The following RBM6 variants were observed in gnomAD, a reference collection of about 807,000 sequenced individuals.
The protein encoded by RBM6 is RNA-binding protein 6.
A neutral mutation model predicts 140.4 loss-of-function variants in RBM6; 23 were observed. That is an observed-to-expected ratio of 0.16 (90% CI 0.12 to 0.23). The LOEUF (loss-of-function observed/expected upper bound fraction) is 0.23. Ranked by LOEUF, RBM6 falls within the 10% of genes least tolerant of loss-of-function variation. RBM6 has a pLI of 1.00. For missense variants in RBM6, 1,139 were observed against 1,386.7 expected, an observed-to-expected ratio of 0.82 and a Z score of 2.84; for synonymous variants, 439 against 475.6, an observed-to-expected ratio of 0.92 and a Z score of 1.00.
intron 5 of RBM6, chr3:49,981,580 T>C (rs1327737732): frequency 6.6e-6 from 1 of 152,262 alleles, no homozygotes; most frequent in Non-Finnish European, 1.5e-5. Context: ...GCTTATGTGC[T>C]TTAGGAGCCA....
At chr3:50,039,849 C>T (rs1190956541) in intron 6 of RBM6, among the ~76,000 whole-genome samples, 1 of 152,142 alleles carries the variant, frequency 6.6e-6, no homozygotes, top group Non-Finnish European at 1.5e-5. Context: ...ATTTGAGGCT[C>T]TTTTGATTAC....
chr3:49,966,158 G>A (rs1005635699), intron 2 of RBM6, among the ~76,000 whole-genome samples: 1 of 152,156 alleles, frequency 6.6e-6, no homozygotes, highest in African/African-American at 2.4e-5. Context: ...AAAAGGTTTG[G>A]CATTGCAACT....
At position 50,004,188 on chromosome 3, in the gene RBM6, G is replaced by A. The variant is rs138171352; in HGVS notation, c.1557+4675G>A. The stretch of plus-strand genomic sequence containing the variant: ...TTATTTGGCCAAATTAGTCACTAAA[G>A]TGCCCTTATAGAAGATAACTCTGGG... On this transcript the variant is annotated intron_variant, in intron 6 of 20. Coordinates refer to ENST00000266022, the MANE Select transcript of RBM6 (RefSeq NM_005777.3). Among the ~76,000 whole-genome samples, 16 of 152,238 alleles carry A rather than the reference G, an allele frequency of 1.1e-4. No homozygotes were observed. The East Asian group carries it at 2.1e-3, about 20-fold the overall frequency.
intron 6 of RBM6, among the ~76,000 whole-genome samples, chr3:50,014,816 A>G (rs1030155406): frequency 2.6e-5 from 4 of 152,176 alleles, no homozygotes; most frequent in Non-Finnish European, 5.9e-5. Context: ...TTGTTAACAC[A>G]GTTAAGTGCT....
At chr3:50,038,024 G>T (rs2088650206) in intron 6 of RBM6, among the ~76,000 whole-genome samples, 1 of 151,948 alleles carries the variant, frequency 6.6e-6, no homozygotes, top group South Asian at 2.1e-4. Flanking sequence ...ATTTCACCAT[G>T]TTGGCCAGGC....
chr3:50,039,488 C>G lies in RBM6; in HGVS notation c.1558-8757C>G, dbSNP rs947689744. ...TCCTGACCTCAGGTGATCCACCCCC[C>G]CCCCCCCCACCCTTGGTCTCCCAAA... On this transcript the variant is annotated intron_variant, in intron 6 of 20. Transcript: ENST00000266022. Among the ~76,000 whole-genome samples, 20 of 138,110 alleles carry G rather than the reference C, an allele frequency of 1.4e-4. 1 individual carries two copies. Among genetic ancestry groups the G allele is most frequent in the Admixed American group, 4.3e-4 (6 of 13,800 alleles). The allele number at this position is 138,110 out of a possible 152,430, so 90.6% of individuals were successfully genotyped here.
chr3:49,997,543 G>A (rs2086143266), intron 5 of RBM6, among the ~76,000 whole-genome samples: 1 of 152,126 alleles, frequency 6.6e-6, no homozygotes, highest in African/African-American at 2.4e-5. Flanking sequence ...TTTCATCCGG[G>A]CAGCTATGGA....
chr3:50,018,741 G>GCC, intron 6 of RBM6, among the ~76,000 whole-genome samples: 1 of 151,486 alleles, frequency 6.6e-6, no homozygotes, highest in South Asian at 2.1e-4. Flanking sequence ...ACAGGTGCAT[G>GCC]ACCATGCCCA....
intron 6 of RBM6, among the ~76,000 whole-genome samples, chr3:50,034,293 T>C (rs1415812101): frequency 6.6e-6 from 1 of 152,032 alleles, no homozygotes; most frequent in Non-Finnish European, 1.5e-5. Flanking sequence ...CTAGACTTCT[T>C]AGTGTGGTGT....
intron 3 of RBM6, among the ~76,000 whole-genome samples, chr3:49,971,764 T>C (rs532448400): frequency 3.4e-4 from 52 of 152,264 alleles, no homozygotes; most frequent in Non-Finnish European, 3.7e-4. Flanking sequence ...AATTACTGTT[T>C]TGAGACTATG....
At chr3:50,009,455 G>A (rs1163040835) in intron 6 of RBM6, among the ~76,000 whole-genome samples, 5 of 152,136 alleles carry the variant, frequency 3.3e-5, no homozygotes, top group African/African-American at 9.7e-5. Flanking sequence ...CTCTCCACAG[G>A]TGTTTAAGTG....
At chr3:50,015,991 T>C (rs546803135) in intron 6 of RBM6, among the ~76,000 whole-genome samples, 16 of 152,340 alleles carry the variant, frequency 1.1e-4, no homozygotes, top group African/African-American at 3.4e-4. Flanking sequence ...TACATTGTTA[T>C]TAACTATAGT....
chr3:49,943,154 CT>C (rs2083357295), intron 1 of RBM6, among the ~76,000 whole-genome samples: 2 of 152,146 alleles, frequency 1.3e-5, no homozygotes, highest in East Asian at 3.8e-4. Flanking sequence ...GTAGCAGACA[CT>C]TGGGTTGCTT....
At chr3:50,012,653 G>A in intron 6 of RBM6, among the ~76,000 whole-genome samples, 1 of 151,668 alleles carries the variant, frequency 6.6e-6, no homozygotes, top group East Asian at 1.9e-4. Context: ...CACCGTGCCT[G>A]GCCCATTCCA....
chr3:49,966,795 A>G (rs940658341), intron 2 of RBM6, among the ~76,000 whole-genome samples: 7 of 151,978 alleles, frequency 4.6e-5, no homozygotes, highest in African/African-American at 1.7e-4. Flanking sequence ...TTGGGTAGTT[A>G]TAATAGGACC....
chr3:49,989,856 C>T (rs932412235), intron 5 of RBM6, among the ~76,000 whole-genome samples: 7 of 152,082 alleles, frequency 4.6e-5, no homozygotes, highest in Admixed American at 6.6e-5. Flanking sequence ...AAGCCATTCT[C>T]GTGCCTCAGC....
intron 5 of RBM6, among the ~76,000 whole-genome samples, chr3:49,986,746 TCCCTCCCTTC>T (rs2085580175): frequency 6.7e-6 from 1 of 148,158 alleles, no homozygotes; most frequent in Non-Finnish European, 1.5e-5. Context: ...TCTCTCTTCT[TCCCTCCCTTC>T]CCCTCCCCTC....
At chr3:49,982,711 T>TACAC (rs2085368312) in intron 5 of RBM6, among the ~76,000 whole-genome samples, 1 of 140,726 alleles carries the variant, frequency 7.1e-6, no homozygotes. Flanking sequence ...AGCCACCGTG[T>TACAC]CTGGCCTATT....
chr3:50,016,295 A>G (rs2108781039), intron 6 of RBM6, among the ~76,000 whole-genome samples: 1 of 152,308 alleles, frequency 6.6e-6, no homozygotes, highest in Middle Eastern at 3.4e-3. Context: ...TTAAGGCCAA[A>G]TAGTATTTCA....
Sources: gnomAD v4.1 joint callset for allele counts (sites outside exome capture counted in the v4.1 genomes callset) on GRCh38, gnomAD v4.1.1 for gene constraint, MANE v1.5 for transcripts, NCBI Gene and HGNC (gene_info 2026-07-23, HGNC 2026-07-21) for gene names.